Variants in ETNK1 observed in about 807,000 individuals in gnomAD.
The protein encoded by ETNK1 is putative protein product of Nbla10396.
In ETNK1, 8 loss-of-function variants were observed where a neutral mutation model predicts 45.1. That is an observed-to-expected ratio of 0.18 (90% confidence interval 0.10 to 0.32). The LOEUF (loss-of-function observed/expected upper bound fraction) is 0.32. ETNK1 is among the 10% of genes least tolerant of loss of function. The pLI is 1.00. For missense variants in ETNK1, 302 were observed against 430.6 expected (o/e 0.70, Z 2.64); for synonymous variants, 152 against 151.9 (o/e 1.00, Z -0.01).
intron 5 of ETNK1, 140 bp from the exon 6 acceptor site, chr12:22,673,360 C>A: frequency 1.9e-6 from 1 of 531,208 alleles, no homozygotes; most frequent in Non-Finnish European, 3.2e-6. Context: ...TTAATAAATG[C>A]TTTTTACTTA....
At chr12:22,657,607 A>AT (rs146869156) in intron 2 of ETNK1, among the ~76,000 whole-genome samples, 36,464 of 151,886 alleles carry the variant, frequency 0.24, 5,092 homozygotes, top group Non-Finnish European at 0.33. Context: ...AATTTTCCTA[A>AT]TTTTCTAATA....
intron 1 of ETNK1, among the ~76,000 whole-genome samples, chr12:22,634,800 T>C (rs1369394383): frequency 6.6e-6 from 1 of 152,128 alleles, no homozygotes; most frequent in Non-Finnish European, 1.5e-5. Context: ...AGTAATCTGC[T>C]CACCTTGGCC....
chr12:22,642,388 G>A (rs1345038950), intron 1 of ETNK1, among the ~76,000 whole-genome samples: 1 of 151,910 alleles, frequency 6.6e-6, no homozygotes, highest in African/African-American at 2.4e-5. Flanking sequence ...TCCTGACAGT[G>A]TCTTTCATAC....
chr12:22,679,339 A>G (rs896231709), intron 6 of ETNK1, among the ~76,000 whole-genome samples: 1 of 152,196 alleles, frequency 6.6e-6, no homozygotes, highest in African/African-American at 2.4e-5. Flanking sequence ...AGCATCCAAC[A>G]TGGGGAAAAA....
At chr12:22,626,081 C>A (rs1953490916) in intron 1 of ETNK1, 1 of 349,800 alleles carries the variant, frequency 2.9e-6, no homozygotes, top group Admixed American at 3.9e-5. Flanking sequence ...ACTCAATTCC[C>A]AAAGTAATGA....
In ETNK1 at chr12:22,666,264, A is replaced by C. The variant is rs186749281; in HGVS notation, c.701-5008A>C. Among the ~76,000 whole-genome samples the C allele has an allele frequency of 1.0e-3, 159 of 152,256 alleles. 1 individual carries two copies. Among genetic ancestry groups the C allele is most frequent in the Non-Finnish European group, 8.4e-4 (57 of 68,014 alleles). ...TTGCCTTCAGTGAAATGACATCCTGAAAAGGTAAGAAAAGAATACTTAATG... is the reference window on the plus strand; with the variant it reads ...TTGCCTTCAGTGAAATGACATCCTGCAAAGGTAAGAAAAGAATACTTAATG... On this transcript the variant is annotated intron_variant, in intron 4 of 7. Coordinates refer to ENST00000266517, the MANE Select transcript of ETNK1 (RefSeq NM_018638.5).
chr12:22,674,056 A>G (rs899466112), intron 6 of ETNK1, among the ~76,000 whole-genome samples: 21 of 152,332 alleles, frequency 1.4e-4, no homozygotes, highest in African/African-American at 4.8e-4. Flanking sequence ...CTTATGTGAT[A>G]AAAGTAGGTT....
At chr12:22,660,095 A>T (rs954063279) in intron 3 of ETNK1, among the ~76,000 whole-genome samples, 11 of 151,824 alleles carry the variant, frequency 7.2e-5, no homozygotes, top group Non-Finnish European at 1.5e-4. Flanking sequence ...TGAAAAGAGC[A>T]TTATGAGGAT....
In ETNK1 at chr12:22,686,851, A is replaced by ATTTTTTTTTTTTTT. The variant is rs3983448; in HGVS notation, c.*1912_*1925dup. The stretch of plus-strand genomic sequence containing the variant: ...AGATAAAGAATGTGTAATACTCTTA[A>ATTTTTTTTTTTTTT]TTTTTTTTTTTTTTTTTTTTTTTTT... On this transcript the variant is annotated 3_prime_UTR_variant, in exon 8 of 8. Coordinates refer to ENST00000266517, the MANE Select transcript of ETNK1 (RefSeq NM_018638.5). The ATTTTTTTTTTTTTT allele has an allele frequency of 5.8e-5, 4 of 69,262 alleles. No individual in the cohort carries two copies. Among genetic ancestry groups the ATTTTTTTTTTTTTT allele is most frequent in the Non-Finnish European group, 1.1e-4 (4 of 36,074 alleles). 4.3% of individuals were successfully genotyped at this position (69,262 alleles called of 1,614,324 possible).
intron 1 of ETNK1, among the ~76,000 whole-genome samples, chr12:22,633,066 C>T (rs1027293804): frequency 1.5e-4 from 23 of 151,968 alleles, no homozygotes; most frequent in African/African-American, 5.6e-4. Context: ...TTTTTGAACA[C>T]GAATATCCAT....
chr12:22,673,795 T>C lies in ETNK1; in HGVS notation c.945+135T>C, dbSNP rs538582464. On this transcript the variant is annotated intron_variant, in intron 6 of 7. Coordinates refer to ENST00000266517, the MANE Select transcript of ETNK1 (RefSeq NM_018638.5). ...TCAAAATAATGTAAATACATGACCA[T>C]TTACAGTATGCATTACCCCATTGCA... 114 of 885,946 alleles carry C rather than the reference T, an allele frequency of 1.3e-4. No homozygotes were observed. The East Asian group carries it at 2.7e-3, about 21-fold the overall frequency. 54.9% of individuals were successfully genotyped at this position (885,946 alleles called of 1,614,324 possible).
chr12:22,666,743 A>G (rs892473966), intron 4 of ETNK1, among the ~76,000 whole-genome samples: 1 of 152,188 alleles, frequency 6.6e-6, no homozygotes, highest in Non-Finnish European at 1.5e-5. Flanking sequence ...AAGAAAAGGA[A>G]AGCTTTTTCT....
chr12:22,689,012 A>T lies in ETNK1; in HGVS notation c.*4058A>T, dbSNP rs1954283042. 6.6e-6 allele frequency: 1 copy of T among 151,822 alleles called. No individual in the cohort carries two copies. The highest frequency in any genetic ancestry group is 2.4e-5 in the African/African-American group (1 of 41,398). 9.4% of individuals were successfully genotyped at this position (151,822 alleles called of 1,614,324 possible). A position where few individuals can be genotyped will look rare whatever the true frequency, so the allele number is the denominator to read the frequency against. ...AAAGTGTATCAATTATTTTAAATGAATTTTTCCCCATGTTTGAGGCTTAGT... is the reference window on the plus strand; with the variant it reads ...AAAGTGTATCAATTATTTTAAATGATTTTTTCCCCATGTTTGAGGCTTAGT... On this transcript the variant is annotated 3_prime_UTR_variant, in exon 8 of 8. Coordinates refer to ENST00000266517, the MANE Select transcript of ETNK1 (RefSeq NM_018638.5).
rs1262015729 is a variant in ETNK1 at position 22,689,732 on chromosome 12, G to A, written c.*4778G>A. On this transcript the variant is annotated 3_prime_UTR_variant, in exon 8 of 8. Transcript: ENST00000266517. The stretch of plus-strand genomic sequence containing the variant: ...CTGTGACTGGAAAAGACCCCAAAAA[G>A]GCAGTAGAGGAGATTAGTGTTTACT... The A allele has an allele frequency of 6.6e-6, 1 of 151,940 alleles. No homozygotes were observed. The highest frequency in any genetic ancestry group is 1.5e-5 in the Non-Finnish European group (1 of 67,856). The allele number at this position is 151,940 out of a possible 1,614,324, so 9.4% of individuals were successfully genotyped here.
chr12:22,678,880 T>G (rs1954186916), intron 6 of ETNK1, among the ~76,000 whole-genome samples: 1 of 152,214 alleles, frequency 6.6e-6, no homozygotes, highest in Non-Finnish European at 1.5e-5. Context: ...ACAGACTAAG[T>G]GTTCAGAATG....
At chr12:22,664,340 A>G (rs981656411) in intron 4 of ETNK1, among the ~76,000 whole-genome samples, 6 of 152,008 alleles carry the variant, frequency 3.9e-5, no homozygotes, top group African/African-American at 1.4e-4. Flanking sequence ...ATTAACAGAT[A>G]TGACATGACG....
chr12:22,679,341 G>A (rs1954191286), intron 6 of ETNK1, among the ~76,000 whole-genome samples: 1 of 152,108 alleles, frequency 6.6e-6, no homozygotes. Context: ...CATCCAACAT[G>A]GGGAAAAAGA....
chr12:22,673,685 T>C (rs1370434559), intron 6 of ETNK1, 25 bp downstream of exon 6: 1 of 1,579,376 alleles, frequency 6.3e-7, no homozygotes, highest in Non-Finnish European at 8.6e-7. Flanking sequence ...ACACAATTAA[T>C]GAAAGGTTCT....
chr12:22,673,096 CA>C (rs1025751692), intron 5 of ETNK1, among the ~76,000 whole-genome samples: 7 of 145,602 alleles, frequency 4.8e-5, no homozygotes, highest in Admixed American at 6.8e-5. Context: ...ATTCCGTCTC[CA>C]AAAAAAAAAG....
Sources: allele counts gnomAD v4.1 joint callset (sites outside exome capture counted in the v4.1 genomes callset), GRCh38; gene constraint gnomAD v4.1.1; transcripts MANE v1.5; gene names NCBI Gene and HGNC (gene_info 2026-07-23, HGNC 2026-07-21).